VPS36: variants seen among roughly 807,000 people sequenced by gnomAD.
The protein encoded by VPS36 is vacuolar protein-sorting-associated protein 36.
A neutral mutation model predicts 63.5 loss-of-function variants in VPS36; 31 were observed. The observed-to-expected ratio is 0.49, with a 90% CI of 0.37 to 0.66. The LOEUF is 0.66. Ranked by LOEUF, VPS36 falls within the 30% of genes least tolerant of loss-of-function variation. The pLI, the probability that VPS36 is intolerant of heterozygous loss-of-function variation, is 0.00. For missense variants in VPS36, 338 were observed against 463.7 expected (o/e 0.73, Z 2.49); for synonymous variants, 138 against 157.2 (o/e 0.88, Z 0.91).
At chr13:52,437,471 G>A (rs1364455473) in intron 3 of VPS36, among the ~76,000 whole-genome samples, 1 of 151,796 alleles carries the variant, frequency 6.6e-6, no homozygotes, top group African/African-American at 2.4e-5. Flanking sequence ...AAAAAAAAAC[G>A]CTCAGCCCTA....
intron 9 of VPS36, among the ~76,000 whole-genome samples, chr13:52,424,461 C>T (rs1296928270): frequency 6.6e-6 from 1 of 152,014 alleles, no homozygotes; most frequent in Non-Finnish European, 1.5e-5. Context: ...TTTAAAAAAA[C>T]CCTAACAAAC....
chr13:52,441,957 T>C (rs1208228187), intron 2 of VPS36, among the ~76,000 whole-genome samples: 1 of 152,140 alleles, frequency 6.6e-6, no homozygotes, highest in Non-Finnish European at 1.5e-5. Flanking sequence ...CTGTTACACA[T>C]GGAACATTTA....
At chr13:52,424,967 G>A (rs1958085027) in intron 9 of VPS36, among the ~76,000 whole-genome samples, 1 of 151,320 alleles carries the variant, frequency 6.6e-6, no homozygotes, top group Non-Finnish European at 1.5e-5. Context: ...CAGACTGGGC[G>A]ACAATAGTGA....
At chr13:52,445,368 G>C (rs1162774095) in intron 1 of VPS36, among the ~76,000 whole-genome samples, 1 of 149,286 alleles carries the variant, frequency 6.7e-6, no homozygotes, top group Non-Finnish European at 1.5e-5. Flanking sequence ...GGCCGGGCGC[G>C]GTGGCTCATG....
rs1372427100 is a variant in VPS36 at position 52,418,047 on chromosome 13, G to A, written c.850C>T (p.Pro284Ser). 12 of 1,610,944 alleles carry A rather than the reference G, an allele frequency of 7.4e-6. No individual in the cohort carries two copies. Among genetic ancestry groups the A allele is most frequent in the Non-Finnish European group, 1.0e-5 (12 of 1,178,784 alleles). The change falls in exon 11 of 14, where the codon CCA (proline) becomes TCA (serine). Residue 284 changes from proline (P) to serine (S), a missense_variant. By Grantham distance (74) the Pro-to-Ser change is moderately conservative (BLOSUM62 -1). Transcript: ENST00000378060. ...TTGCACGCATTCACTAAATCTTCTG[G>A]TGAGAGCAACTAATAGGGAAAAAAA... The part of the protein sequence containing the change: ...NRARGMELLS[P>S]EDLVNACKML...
chr13:52,413,771 T>C lies in VPS36; in HGVS notation c.*2059A>G, dbSNP rs1957968028. 1 of 152,414 alleles carries C rather than the reference T, an allele frequency of 6.6e-6. No homozygotes were observed. Among genetic ancestry groups the C allele is most frequent in the Non-Finnish European group, 1.5e-5 (1 of 68,010 alleles). The allele number at this position is 152,414 out of a possible 1,614,324, so 9.4% of individuals were successfully genotyped here. On this transcript the variant is annotated 3_prime_UTR_variant, in exon 14 of 14. Transcript: ENST00000378060. ...GGGCCTGATTGGTTGTATTTAAACA[T>C]AACTTCTACATTAGAGGGCCAAAAT...
At chr13:52,439,012 C>T (rs1199771473) in intron 3 of VPS36, 86 bp downstream of exon 3, 51 of 1,189,178 alleles carry the variant, frequency 4.3e-5, no homozygotes, top group Non-Finnish European at 5.5e-5. Flanking sequence ...TGGATTCGTA[C>T]ATCAAGTCTA....
At chr13:52,432,588 T>C (rs1378172219) in intron 6 of VPS36, among the ~76,000 whole-genome samples, 5 of 152,208 alleles carry the variant, frequency 3.3e-5, no homozygotes, top group Admixed American at 2.6e-4. Flanking sequence ...AATGAACTAA[T>C]AGATCTAGGC....
At chr13:52,427,147 C>T (rs201828051) in intron 7 of VPS36, 40 bp downstream of exon 7, 2 of 1,608,726 alleles carry the variant, frequency 1.2e-6, no homozygotes, top group East Asian at 4.5e-5. Flanking sequence ...AAAACTGTAT[C>T]ATAATTGGTA....
intron 12 of VPS36, among the ~76,000 whole-genome samples, chr13:52,416,796 G>A (rs927416601): frequency 2.6e-5 from 4 of 152,148 alleles, no homozygotes; most frequent in African/African-American, 7.2e-5. Context: ...AGCTTTAATA[G>A]AAAAGAAAGC....
chr13:52,416,251 TA>T (rs1354772399), intron 12 of VPS36, 158 bp from the exon 13 acceptor site: 1 of 716,448 alleles, frequency 1.4e-6, no homozygotes, highest in East Asian at 2.8e-5. Context: ...ACACTATAAC[TA>T]AATTTTAACT....
At chr13:52,431,303 T>C (rs1958152010) in intron 6 of VPS36, among the ~76,000 whole-genome samples, 1 of 152,200 alleles carries the variant, frequency 6.6e-6, no homozygotes, top group Non-Finnish European at 1.5e-5. Flanking sequence ...AGTGTCATCT[T>C]AAATTTGAAT....
At position 52,414,406 on chromosome 13, in the gene VPS36, C is replaced by T. The variant is rs1957974555; in HGVS notation, c.*1424G>A. On this transcript the variant is annotated 3_prime_UTR_variant, in exon 14 of 14. Coordinates refer to ENST00000378060, the MANE Select transcript of VPS36 (RefSeq NM_016075.4). ...AAGAGTCAGTGACAGGTTTGGAAAA[C>T]AAAAACTAAAGTGGGATGTCTCAGG... 6.6e-6 allele frequency: 1 copy of T among 152,208 alleles called. No homozygotes were observed. The highest frequency in any genetic ancestry group is 1.5e-5 in the Non-Finnish European group (1 of 68,062). 9.4% of individuals were successfully genotyped at this position (152,208 alleles called of 1,614,324 possible). A position where few individuals can be genotyped will look rare whatever the true frequency, so the allele number is the denominator to read the frequency against.
chr13:52,421,227 T>C (rs1772964915), intron 10 of VPS36, among the ~76,000 whole-genome samples: 1 of 152,180 alleles, frequency 6.6e-6, no homozygotes, highest in Admixed American at 6.5e-5. Context: ...GCAACATGGA[T>C]GAACCTGGAG....
chr13:52,437,582 T>G (rs1339182674), intron 3 of VPS36, among the ~76,000 whole-genome samples: 1 of 152,188 alleles, frequency 6.6e-6, no homozygotes, highest in East Asian at 1.9e-4. Context: ...ATGCCAAGTT[T>G]TGTGTACATT....
intron 9 of VPS36, 55 bp from the exon 10 acceptor site, chr13:52,423,694 C>A (rs541608959): frequency 1.4e-6 from 2 of 1,423,768 alleles, no homozygotes; most frequent in South Asian, 1.2e-5. Flanking sequence ...CACCAGTTAG[C>A]ATTTCTTAAC....
rs374745105 is a variant in VPS36, at chr13:52,415,865, G to A, written c.1126C>T (p.Arg376Cys). 4.3e-6 allele frequency: 7 copies of A among 1,613,812 alleles called. No homozygotes were observed. The highest frequency in any genetic ancestry group is 1.1e-5 in the South Asian group (1 of 91,076). Residue 376 changes from arginine to cysteine, a missense_variant, in exon 14 of 14, where the codon CGT becomes TGT. By Grantham distance (180) the Arg-to-Cys change is radical. Transcript: ENST00000378060. ...GTCATAAATAAATTTGGGTAAAAACGCAGGCCTTCCACTGAGTCATCACGG... is the reference window on the plus strand; with the variant it reads ...GTCATAAATAAATTTGGGTAAAAACACAGGCCTTCCACTGAGTCATCACGG... ...LCRDDSVEGL[R>C]FYPNLFMTQS
intron 1 of VPS36, among the ~76,000 whole-genome samples, chr13:52,443,828 T>C (rs886219481): frequency 1.5e-4 from 23 of 152,104 alleles, no homozygotes; most frequent in Admixed American, 1.4e-3. Context: ...AATAAGCAAA[T>C]TTTAGAGTTG....
At chr13:52,428,784 A>G (rs1456699624) in intron 6 of VPS36, among the ~76,000 whole-genome samples, 1 of 152,154 alleles carries the variant, frequency 6.6e-6, no homozygotes, top group Non-Finnish European at 1.5e-5. Flanking sequence ...ACACTTTTAA[A>G]TTGTATATGG....
Sources: allele counts gnomAD v4.1 joint callset (sites outside exome capture counted in the v4.1 genomes callset), GRCh38; gene constraint gnomAD v4.1.1; transcripts MANE v1.5; gene names NCBI Gene and HGNC (gene_info 2026-07-23, HGNC 2026-07-21).